The following VPS13C variants were observed in gnomAD, a reference collection of about 807,000 sequenced individuals.
VPS13C encodes the protein vacuolar protein sorting 13 homolog C.
VPS13C carries 358 observed loss-of-function variants against 456.8 expected under a neutral mutation model. The ratio of observed to expected loss-of-function variants is 0.78; its 90% CI spans 0.72 to 0.86. VPS13C has a LOEUF of 0.86. Among genes scored for constraint, VPS13C ranks in the 40% least tolerant of loss-of-function variants. VPS13C has a pLI of 0.00. For synonymous variants in VPS13C, 1,578 were observed against 1,486.7 expected (o/e 1.06, Z -1.41); for missense variants, 4,818 against 4,385.4 (o/e 1.10, Z -2.79).
At chr15:61,934,637 C>G (rs1312626416) in intron 48 of VPS13C, among the ~76,000 whole-genome samples, 2 of 152,268 alleles carry the variant, frequency 1.3e-5, no homozygotes, top group South Asian at 4.1e-4. Flanking sequence ...AAGCCATTTT[C>G]AAGACATTAT....
At position 61,936,838 on chromosome 15, in the gene VPS13C, T is replaced by C. The variant is rs2044243637; in HGVS notation, c.5602-88A>G. 2.3e-6 allele frequency: 3 copies of C among 1,310,706 alleles called. No homozygotes were observed. In the East Asian group the frequency reaches 7.2e-5, roughly 32 times the overall value. The allele number at this position is 1,310,706 out of a possible 1,614,324, so 81.2% of individuals were successfully genotyped here. ...TATCTCGATTTGTGGTTTTTCAAAT[T>C]AATTGTTCACCTACTTAAAAAGAAG... is the stretch of plus-strand genomic sequence containing the variant. On this transcript the variant is annotated intron_variant, in intron 47 of 84. Transcript: ENST00000644861.
At chr15:62,018,930 G>A (rs1596485139) in intron 9 of VPS13C, among the ~76,000 whole-genome samples, 1 of 152,046 alleles carries the variant, frequency 6.6e-6, no homozygotes, top group East Asian at 1.9e-4. Flanking sequence ...ACTTTTTTTG[G>A]TTGGTAAGCT....
chr15:62,057,073 TTG>T lies in VPS13C; in HGVS notation c.100+3200_100+3201del, dbSNP rs947653947. Among the ~76,000 whole-genome samples, 29 of 152,244 alleles carry T rather than the reference TTG, an allele frequency of 1.9e-4. 1 individual carries two copies. The highest frequency in any genetic ancestry group is 3.4e-3 in the Middle Eastern group (1 of 294). Reference sequence around the variant, plus strand: ...CTGTCTTTTCTTTTATCTCTTTGTCTTGTGTCTTTATTTCTACACTCTCTCGT... The same window carrying T: ...CTGTCTTTTCTTTTATCTCTTTGTCTTGTCTTTATTTCTACACTCTCTCGT... On this transcript the variant is annotated intron_variant, in intron 1 of 84. Transcript: ENST00000644861.
chr15:62,059,728 G>A (rs1567160732), intron 1 of VPS13C, among the ~76,000 whole-genome samples: 1 of 152,182 alleles, frequency 6.6e-6, no homozygotes, highest in Non-Finnish European at 1.5e-5. Context: ...GAATCCCTAA[G>A]CACACGCCTA....
chr15:61,950,986 T>C lies in VPS13C; in HGVS notation c.4495A>G (p.Asn1499Asp), dbSNP rs533766520. 1.0e-4 allele frequency: 166 copies of C among 1,605,168 alleles called. No individual in the cohort carries two copies. In the Admixed American group the frequency reaches 2.8e-3, roughly 27 times the overall value. The change falls in exon 40 of 85, where the codon AAT (asparagine) becomes GAT (aspartate). Residue 1499 changes from asparagine (N) to aspartate (D), a missense_variant. By Grantham distance (23) the Asn-to-Asp change is conservative. Transcript: ENST00000644861. ...GEPLHIINSSNVTDEPLLKML... is the reference protein window; with the variant it reads ...GEPLHIINSSDVTDEPLLKML... ...TTCAGAAGGGGTTCGTCAGTCACAT[T>C]AGAAGAGTTAATAATGTGAAGAGGT...
Position 61,951,850 on chromosome 15 carries a change from A to T in VPS13C, c.4430T>A (p.Ile1477Asn). ...AGTGAAATCAAAGCACTGCATACTA[A>T]TTTTTTTTAGATAAGCTTTAGCAGT... ...DMTAKAYLKKISMQCFDFTDS... is the reference protein window; with the variant it reads ...DMTAKAYLKKNSMQCFDFTDS... The change falls in exon 39 of 85, where the codon ATT (isoleucine) becomes AAT (asparagine). Residue 1477 changes from isoleucine to asparagine, a missense_variant. Physicochemically the swap from Ile to Asn is moderately radical, Grantham distance 149 (BLOSUM62 -3). Coordinates refer to ENST00000644861, the MANE Select transcript of VPS13C (RefSeq NM_020821.3). 6.2e-7 allele frequency: 1 copy of T among 1,611,370 alleles called. No homozygotes were observed. The highest frequency in any genetic ancestry group is 8.5e-7 in the Non-Finnish European group (1 of 1,178,850).
Position 61,922,022 on chromosome 15 carries a change from G to A in VPS13C, c.6987C>T (p.Tyr2329=). ...VADVTLQVHY[Y]NEIHAVWEPL... Reference sequence around the variant, plus strand: ...GCTCCCAGACAGCATGGATCTCATTGTAATAGTGCACCTGGAAAGATACAC... The same window carrying A: ...GCTCCCAGACAGCATGGATCTCATTATAATAGTGCACCTGGAAAGATACAC... The change falls in exon 55 of 85, where the codon TAC becomes TAT. Residue 2329 remains tyrosine, a synonymous_variant. Coordinates refer to ENST00000644861, the MANE Select transcript of VPS13C (RefSeq NM_020821.3). The A allele has an allele frequency of 6.2e-7, 1 of 1,613,524 alleles. No homozygotes were observed. Among genetic ancestry groups the A allele is most frequent in the Non-Finnish European group, 8.5e-7 (1 of 1,179,640 alleles).
In VPS13C at chr15:61,878,589, C is replaced by A; in HGVS notation, c.10142+18G>T. On this transcript the variant is annotated intron_variant, in intron 74 of 84. Transcript: ENST00000644861. Reference sequence around the variant, plus strand: ...CTTGGTACACCTGCTTCTCAATGTACTCTAACAGAAGTCTTACTTGAATAT... The same window carrying A: ...CTTGGTACACCTGCTTCTCAATGTAATCTAACAGAAGTCTTACTTGAATAT... 6.2e-7 allele frequency: 1 copy of A among 1,604,916 alleles called. No individual in the cohort carries two copies. The highest frequency in any genetic ancestry group is 8.5e-7 in the Non-Finnish European group (1 of 1,177,012).
intron 12 of VPS13C, among the ~76,000 whole-genome samples, chr15:62,011,734 A>G (rs983502462): frequency 6.6e-6 from 1 of 152,032 alleles, no homozygotes; most frequent in African/African-American, 2.4e-5. Context: ...TAACACTGCA[A>G]TAGTAACATA....
In VPS13C at chr15:61,920,627, C is replaced by T; in HGVS notation, c.7083G>A (p.Gln2361=). 1 of 1,581,868 alleles carries T rather than the reference C, an allele frequency of 6.3e-7. No individual in the cohort carries two copies. Among genetic ancestry groups the T allele is most frequent in the African/African-American group, 1.4e-5 (1 of 72,778 alleles). ...LRLDVKKNPV[Q]DKSLLPGDDF... ...CATCTCCTGGCAGCAAACTTTTATC[C>T]TGAACTGGGTTCTTCTTTACCTATG... Residue 2361 remains glutamine (Q), a synonymous_variant, in exon 56 of 85, where the codon CAG becomes CAA. Transcript: ENST00000644861.
intron 9 of VPS13C, among the ~76,000 whole-genome samples, chr15:62,016,928 C>T (rs1161719782): frequency 6.6e-6 from 1 of 152,190 alleles, no homozygotes; most frequent in African/African-American, 2.4e-5. Context: ...TCCTCTCCAG[C>T]ACCTGTTGTT....
chr15:61,944,489 A>G lies in VPS13C; in HGVS notation c.5148+1226T>C, dbSNP rs1295476061. 3.3e-5 allele frequency among the ~76,000 whole-genome samples: 5 copies of G among 152,212 alleles called. 1 individual carries two copies. Among genetic ancestry groups the G allele is most frequent in the Non-Finnish European group, 7.3e-5 (5 of 68,044 alleles). Reference sequence around the variant, plus strand: ...ATGAAATCATGTCCTTTGCAGCAACATGAATGCAGCTGGAGGCCATTATCC... The same window carrying G: ...ATGAAATCATGTCCTTTGCAGCAACGTGAATGCAGCTGGAGGCCATTATCC... On this transcript the variant is annotated intron_variant, in intron 45 of 84. Coordinates refer to ENST00000644861, the MANE Select transcript of VPS13C (RefSeq NM_020821.3).
chr15:62,018,683 G>T (rs1328196876), intron 9 of VPS13C, among the ~76,000 whole-genome samples: 2 of 152,042 alleles, frequency 1.3e-5, no homozygotes, highest in African/African-American at 2.4e-5. Flanking sequence ...GCTGGATTCG[G>T]TTTGCCAGTA....
Position 61,922,481 on chromosome 15 carries a change from A to C in VPS13C, c.6891T>G (p.Pro2297=), listed in dbSNP as rs568475806. ...LECGLGHRTV[P]LLLAESKFSG... ...AAAACTTAGACTCTGCCAATAATAA[A>C]GGTACAGTTCGATGTCCAAGGCCAC... Residue 2297 remains proline, a synonymous_variant, in exon 54 of 85, where the codon CCT becomes CCG. Coordinates refer to ENST00000644861, the MANE Select transcript of VPS13C (RefSeq NM_020821.3). 1 of 1,614,094 alleles carries C rather than the reference A, an allele frequency of 6.2e-7. No individual in the cohort carries two copies. Among genetic ancestry groups the C allele is most frequent in the Admixed American group, 1.7e-5 (1 of 60,028 alleles).
Position 61,984,891 on chromosome 15 carries a change from G to A in VPS13C, c.1687C>T (p.Gln563Ter), listed in dbSNP as rs1188929582. 1.2e-6 allele frequency: 2 copies of A among 1,613,180 alleles called. No homozygotes were observed. The highest frequency in any genetic ancestry group is 1.3e-5 in the African/African-American group (1 of 74,850). The change falls in exon 19 of 85, where the codon CAA becomes TAA. Residue 563 changes from glutamine (Q) to a stop codon, truncating the protein, a stop_gained. Coordinates refer to ENST00000644861, the MANE Select transcript of VPS13C (RefSeq NM_020821.3). LOFTEE classifies it high-confidence loss of function. ...TGTGCTCCTGGTCGCTGAGATACTTGAGTGCCCAGGCCAATTATCTGAATT... is the reference window on the plus strand; with the variant it reads ...TGTGCTCCTGGTCGCTGAGATACTTAAGTGCCCAGGCCAATTATCTGAATT... ...LKIQIIGLGT[Q>*]VSQRPGAQAL...
Position 61,961,625 on chromosome 15 carries a change from C to T in VPS13C, c.3872G>A (p.Arg1291Lys). The T allele has an allele frequency of 1.2e-6, 2 of 1,610,678 alleles. No homozygotes were observed. The highest frequency in any genetic ancestry group is 1.7e-6 in the Non-Finnish European group (2 of 1,178,156). ...AAGCTTTGTTAGCTGCACATCCATT[C>T]TATCAATTACTGGAGGATTTAAGTA... is the stretch of plus-strand genomic sequence containing the variant. ...EDYLNPPVID[R>K]MDVQLTKLTL... Residue 1291 changes from arginine to lysine, a missense_variant, in exon 35 of 85, where the codon AGA (arginine) becomes AAA (lysine). Around this residue, in one of 3 missense-constraint regions of VPS13C, gnomAD observed 4,552 missense variants for 4,130.6 expected, o/e 1.10. Transcript: ENST00000644861.
intron 1 of VPS13C, 126 bp downstream of exon 1, chr15:62,060,149 C>G (rs985680854): frequency 2.1e-6 from 1 of 468,498 alleles, no homozygotes; most frequent in Non-Finnish European, 3.8e-6. Context: ...GCATCTAGCA[C>G]CTGCCGCACC....
intron 66 of VPS13C, among the ~76,000 whole-genome samples, chr15:61,896,298 G>C (rs926111179): frequency 2.0e-5 from 3 of 152,220 alleles, no homozygotes. Context: ...CAGCGTGAGC[G>C]ACACAGAAGA....
intron 81 of VPS13C, among the ~76,000 whole-genome samples, chr15:61,868,257 C>G (rs918493457): frequency 5.3e-5 from 8 of 151,786 alleles, no homozygotes; most frequent in African/African-American, 1.9e-4. Context: ...TCATCTAGTT[C>G]TAGTTACTGG....
Sources: gnomAD v4.1 joint callset for allele counts (sites outside exome capture counted in the v4.1 genomes callset) on GRCh38, gnomAD v4.1.1 for gene constraint, gnomAD v4.1.1 regional missense constraint, MANE v1.5 for transcripts, NCBI Gene and HGNC (gene_info 2026-07-23, HGNC 2026-07-21) for gene names.